The following EBF3 variants were observed in gnomAD, a reference collection of about 807,000 sequenced individuals.
EBF3 encodes EBF transcription factor 3.
In EBF3, 18 loss-of-function variants were observed where a neutral mutation model predicts 77.1. The observed-to-expected ratio is 0.23, with a 90% CI of 0.16 to 0.35. The LOEUF is 0.35. EBF3 is among the 10% of genes least tolerant of loss of function. The probability of loss-of-function intolerance (pLI) is 1.00; values close to 1 mark genes in which losing one functional copy is unlikely to be tolerated. For synonymous variants in EBF3, 350 were observed against 343.5 expected (o/e 1.02, Z -0.21); for missense variants, 558 against 860.0 (o/e 0.65, Z 4.39).
chr10:129,877,981 G>A (rs11016993), intron 6 of EBF3, 132 bp from the exon 7 acceptor site: 8,778 of 683,188 alleles, frequency 0.013, 208 homozygotes, highest in African/African-American at 0.071. Context: ...TCTAGGGGGC[G>A]ACATTGAGAA....
chr10:129,927,061 GC>G (rs1856726160), intron 6 of EBF3, among the ~76,000 whole-genome samples: 1 of 152,170 alleles, frequency 6.6e-6, no homozygotes, highest in Middle Eastern at 3.2e-3. Context: ...ATCTTTTTTG[GC>G]TTGTTTTGTT....
In EBF3 at chr10:129,850,984, G is replaced by C. The variant is rs562376827; in HGVS notation, c.1040-2504C>G. On this transcript the variant is annotated intron_variant, in intron 10 of 16. Transcript: ENST00000440978. ...ACGGGCGAGAGCCCTGCCGAGCCAG[G>C]GCAAGGCGCTGGCACGTCCAGTCAC... 2.0e-3 allele frequency among the ~76,000 whole-genome samples: 300 copies of C among 152,336 alleles called. 4 individuals carry two copies. The highest frequency in any genetic ancestry group is 5.9e-4 in the Non-Finnish European group (40 of 68,028).
chr10:129,859,763 C>T (rs904408128), intron 10 of EBF3, among the ~76,000 whole-genome samples: 3 of 152,318 alleles, frequency 2.0e-5, no homozygotes, highest in Admixed American at 1.3e-4. Flanking sequence ...CATAGTCTAT[C>T]GATTCCAGCC....
In EBF3 at chr10:129,843,882, T is replaced by C. The variant is rs140664705; in HGVS notation, c.1129-680A>G. Among the ~76,000 whole-genome samples, 516 of 152,344 alleles carry C rather than the reference T, an allele frequency of 3.4e-3. 5 individuals are homozygous for C. The highest frequency in any genetic ancestry group is 4.7e-3 in the Non-Finnish European group (323 of 68,014). On this transcript the variant is annotated intron_variant, in intron 11 of 16. Transcript: ENST00000440978. ...AGTGTGCGCGCTGTGCCTGGGGGCT[T>C]GGATGCACCGAGTTTTGTCTTATCC... is the stretch of plus-strand genomic sequence containing the variant.
chr10:129,889,622 G>C (rs1853867704), intron 6 of EBF3, among the ~76,000 whole-genome samples: 1 of 152,178 alleles, frequency 6.6e-6, no homozygotes, highest in South Asian at 2.1e-4. Context: ...TTTGATAAGA[G>C]AAGACAGATG....
chr10:129,873,669 GC>G lies in EBF3; in HGVS notation c.637-74del, dbSNP rs371852508. 9.2e-5 allele frequency: 129 copies of G among 1,406,214 alleles called. 1 individual carries two copies. In the Middle Eastern group the frequency reaches 2.1e-3, roughly 23 times the overall value. 87.1% of individuals were successfully genotyped at this position (1,406,214 alleles called of 1,614,324 possible). ...GAGCCCCCTGTTAGGCAAAATACAA[GC>G]CATCTTAAATACTGCAGAGCACAAG... is the stretch of plus-strand genomic sequence containing the variant. On this transcript the variant is annotated intron_variant, in intron 7 of 16. Transcript: ENST00000440978.
At position 129,963,355 on chromosome 10, in the gene EBF3, G is replaced by T; in HGVS notation, c.291+12C>A. 1 of 1,577,532 alleles carries T rather than the reference G, an allele frequency of 6.3e-7. No homozygotes were observed. Among genetic ancestry groups the T allele is most frequent in the Non-Finnish European group, 8.6e-7 (1 of 1,162,754 alleles). On this transcript the variant is annotated intron_variant, in intron 2 of 16. Transcript: ENST00000440978. The surrounding 1 kb of genome is among the most constrained non-coding windows in gnomAD (Gnocchi z 7.1). Reference sequence around the variant, plus strand: ...AGAAAGAGAGAGGGTGTGATCGTGTGTTTGCACTTACTTTCTCTTTCTCCA... The same window carrying T: ...AGAAAGAGAGAGGGTGTGATCGTGTTTTTGCACTTACTTTCTCTTTCTCCA...
At chr10:129,928,028 A>C (rs1263865086) in intron 6 of EBF3, among the ~76,000 whole-genome samples, 1 of 152,194 alleles carries the variant, frequency 6.6e-6, no homozygotes, top group Non-Finnish European at 1.5e-5. Flanking sequence ...AATGGGGAGA[A>C]GACTGGCAGA....
intron 6 of EBF3, among the ~76,000 whole-genome samples, chr10:129,955,737 G>A (rs1206474940): frequency 6.6e-6 from 1 of 152,166 alleles, no homozygotes; most frequent in Non-Finnish European, 1.5e-5. Context: ...TCATCATTGT[G>A]GCATGCTAGA....
At chr10:129,913,324 T>C (rs1341998578) in intron 6 of EBF3, among the ~76,000 whole-genome samples, 1 of 152,272 alleles carries the variant, frequency 6.6e-6, no homozygotes, top group East Asian at 1.9e-4. Flanking sequence ...CCCCACACAG[T>C]TGCATGCACT....
intron 7 of EBF3, among the ~76,000 whole-genome samples, chr10:129,877,114 G>A (rs570550739): frequency 2.0e-5 from 3 of 152,228 alleles, no homozygotes; most frequent in South Asian, 2.1e-4. Flanking sequence ...TCTATGAGGA[G>A]GATCTCAGAT....
intron 10 of EBF3, among the ~76,000 whole-genome samples, chr10:129,860,906 T>C (rs1365687650): frequency 1.3e-5 from 2 of 152,242 alleles, no homozygotes; most frequent in Non-Finnish European, 2.9e-5. Flanking sequence ...GTGCGATTTC[T>C]GTATGAGGTA....
chr10:129,961,782 G>A (rs769730448), intron 4 of EBF3, among the ~76,000 whole-genome samples: 1 of 152,102 alleles, frequency 6.6e-6, no homozygotes, highest in Non-Finnish European at 1.5e-5. Flanking sequence ...AGTCCAACTC[G>A]ATGGGCTTAG....
chr10:129,853,718 GT>G (rs1323795891), intron 10 of EBF3, among the ~76,000 whole-genome samples: 3 of 152,202 alleles, frequency 2.0e-5, no homozygotes, highest in African/African-American at 7.2e-5. Flanking sequence ...ATTAAATAAA[GT>G]AAAATTAAAT....
intron 6 of EBF3, among the ~76,000 whole-genome samples, chr10:129,893,619 C>T (rs1490856695): frequency 1.3e-5 from 2 of 152,172 alleles, no homozygotes; most frequent in Non-Finnish European, 2.9e-5. Context: ...CTGACAATTT[C>T]CCCTGGCATG....
chr10:129,916,871 T>C (rs1220490722), intron 6 of EBF3, among the ~76,000 whole-genome samples: 2 of 152,130 alleles, frequency 1.3e-5, no homozygotes, highest in African/African-American at 4.8e-5. Flanking sequence ...GAGGAGTTCC[T>C]GCCATAGCAG....
intron 6 of EBF3, among the ~76,000 whole-genome samples, chr10:129,954,956 G>T (rs966867484): frequency 6.6e-6 from 1 of 152,002 alleles, no homozygotes; most frequent in African/African-American, 2.4e-5. Context: ...AAACTGAAAC[G>T]CATCTCAGTT....
chr10:129,963,472 G>A lies in EBF3; in HGVS notation c.186C>T (p.Leu62=). The change falls in exon 2 of 17, where the codon CTC becomes CTT. Residue 62 remains leucine (L), a synonymous_variant. Transcript: ENST00000440978. The surrounding 1 kb of genome is among the most constrained non-coding windows in gnomAD (Gnocchi z 7.1). ...AHFEKQPPSN[L]RKSNFFHFVL... ...CGAAGTGGAAGAAATTGGATTTCCG[G>A]AGGTTGGAAGGCGGCTGCTTCTCGA... The A allele has an allele frequency of 1.3e-6, 2 of 1,587,106 alleles. No individual in the cohort carries two copies. Among genetic ancestry groups the A allele is most frequent in the Non-Finnish European group, 1.7e-6 (2 of 1,166,774 alleles).
Position 129,840,412 on chromosome 10 carries a change from G to A in EBF3, c.1592C>T (p.Ser531Phe), listed in dbSNP as rs1368052241. ...IVPSSPTMAA[S>F]SVTLPSNCSS... ...ACAGTTTGAAGGGAGGGTGACCGAA[G>A]AGGCTGCCATGGTGGGGCTGGACGG... is the stretch of plus-strand genomic sequence containing the variant. The change falls in exon 15 of 17, where the codon TCT becomes TTT. Residue 531 changes from serine to phenylalanine, a missense_variant. Coordinates refer to ENST00000440978, the MANE Select transcript of EBF3 (RefSeq NM_001375380.1). 2.6e-6 allele frequency: 4 copies of A among 1,551,912 alleles called. No homozygotes were observed. The East Asian group carries it at 9.7e-5, about 38-fold the overall frequency.
Sources: gnomAD v4.1 joint callset for allele counts (sites outside exome capture counted in the v4.1 genomes callset) on GRCh38, gnomAD v4.1.1 for gene constraint, Gnocchi (gnomAD v3.1) non-coding constraint, MANE v1.5 for transcripts, NCBI Gene and HGNC (gene_info 2026-07-23, HGNC 2026-07-21) for gene names.